The following RORA variants were observed in gnomAD, a reference collection of about 807,000 sequenced individuals.
RORA encodes the protein nuclear receptor ROR-alpha.
A neutral mutation model predicts 69.5 loss-of-function variants in RORA; 7 were observed. That is an observed-to-expected ratio of 0.10 (90% CI 0.06 to 0.19). The LOEUF (loss-of-function observed/expected upper bound fraction) is 0.19, where lower values mean the gene tolerates loss of function less well. RORA is among the 10% of genes least tolerant of loss of function. The pLI, the probability that RORA is intolerant of heterozygous loss-of-function variation, is 1.00. For synonymous variants in RORA, 261 were observed against 240.8 expected (o/e 1.08, Z -0.78); for missense variants, 457 against 663.0 (o/e 0.69, Z 3.41).
At chr15:60,811,963 G>A (rs2072750699) in intron 1 of RORA, among the ~76,000 whole-genome samples, 1 of 152,156 alleles carries the variant, frequency 6.6e-6, no homozygotes, top group Non-Finnish European at 1.5e-5. Context: ...AAATGGCAAA[G>A]TTTTCTAATT....
intron 1 of RORA, among the ~76,000 whole-genome samples, chr15:60,861,316 G>T (rs1032137224): frequency 1.3e-4 from 20 of 152,138 alleles, no homozygotes; most frequent in African/African-American, 4.8e-4. Context: ...TCCCACTAGA[G>T]GAATTGGGTA....
Position 61,128,838 on chromosome 15 carries a change from G to C in RORA, c.166+100215C>G, listed in dbSNP as rs913047400. Among the ~76,000 whole-genome samples, 1 of 152,156 alleles carries C rather than the reference G, an allele frequency of 6.6e-6. No homozygotes were observed. The highest frequency in any genetic ancestry group is 1.5e-5 in the Non-Finnish European group (1 of 68,032). ...TGCTAAGCAAAGTCAATCAGCACAC[G>C]ATGGCCCCAGGAATGAGAGCAACCA... is the stretch of plus-strand genomic sequence containing the variant. On this transcript the variant is annotated intron_variant, in intron 1 of 10. Coordinates refer to ENST00000335670, the MANE Select transcript of RORA (RefSeq NM_134261.3). The surrounding 1 kb of genome is among the most constrained non-coding windows in gnomAD (Gnocchi z 4.5).
At chr15:60,824,942 A>C (rs1362422705) in intron 1 of RORA, among the ~76,000 whole-genome samples, 2 of 152,222 alleles carry the variant, frequency 1.3e-5, no homozygotes, top group African/African-American at 4.8e-5. Flanking sequence ...TTCATAATGG[A>C]ATATAAAATA....
At chr15:60,996,075 T>TG (rs964974461) in intron 1 of RORA, among the ~76,000 whole-genome samples, 1 of 100,098 alleles carries the variant, frequency 1.0e-5, no homozygotes, top group African/African-American at 3.0e-5. Flanking sequence ...TTTTTTGTTT[T>TG]TTTTTTTTTT....
chr15:60,883,180 G>GAA (rs34446681), intron 1 of RORA, among the ~76,000 whole-genome samples: 38,297 of 111,806 alleles, frequency 0.34, 6,996 homozygotes, highest in Non-Finnish European at 0.39. Context: ...GAGAGAGAGA[G>GAA]AGAAAGAAAG....
intron 1 of RORA, among the ~76,000 whole-genome samples, chr15:61,178,802 A>G (rs1364156667): frequency 1.3e-5 from 2 of 152,214 alleles, no homozygotes; most frequent in African/African-American, 2.4e-5. Flanking sequence ...CTAGCAGGAG[A>G]CAACTGTTAA....
At chr15:60,625,259 C>G (rs1472716235) in intron 2 of RORA, among the ~76,000 whole-genome samples, 1 of 151,880 alleles carries the variant, frequency 6.6e-6, no homozygotes, top group Non-Finnish European at 1.5e-5. Context: ...TTTAGATTTA[C>G]CACAAAAACA....
chr15:60,879,133 T>C (rs1014513363), intron 1 of RORA, among the ~76,000 whole-genome samples: 5 of 152,206 alleles, frequency 3.3e-5, no homozygotes, highest in Non-Finnish European at 7.3e-5. Flanking sequence ...TTCCATGTGT[T>C]AGAAGCATAC....
At chr15:60,744,563 T>C (rs1056565636) in intron 1 of RORA, among the ~76,000 whole-genome samples, 3 of 152,192 alleles carry the variant, frequency 2.0e-5, no homozygotes, top group Admixed American at 1.3e-4. Context: ...CTGAGTTCAG[T>C]GTCCTCACCA....
intron 1 of RORA, among the ~76,000 whole-genome samples, chr15:60,888,066 C>T (rs2073771216): frequency 2.0e-5 from 3 of 152,242 alleles, no homozygotes; most frequent in Admixed American, 2.0e-4. Context: ...CATCCTTGCC[C>T]TGCTCCTCAA....
At chr15:61,120,871 C>G (rs28704972) in intron 1 of RORA, among the ~76,000 whole-genome samples, 80,761 of 150,720 alleles carry the variant, frequency 0.54, 22,406 homozygotes, top group East Asian at 0.71. Context: ...TTTTTGAGAT[C>G]GAGTCTCGCT....
At chr15:61,091,068 C>T (rs1395724108) in intron 1 of RORA, among the ~76,000 whole-genome samples, 1 of 152,156 alleles carries the variant, frequency 6.6e-6, no homozygotes, top group Non-Finnish European at 1.5e-5. Context: ...TTCTCTTCTG[C>T]TCATTAATGC....
chr15:60,638,182 C>T (rs1343391740), intron 2 of RORA, among the ~76,000 whole-genome samples: 2 of 151,994 alleles, frequency 1.3e-5, no homozygotes. Flanking sequence ...AGATATCAAC[C>T]CATCTATCTG....
chr15:60,894,286 T>C (rs1436917067), intron 1 of RORA, among the ~76,000 whole-genome samples: 1 of 152,204 alleles, frequency 6.6e-6, no homozygotes, highest in Non-Finnish European at 1.5e-5. Context: ...TCAAGAATAA[T>C]TTAAAATGCA....
chr15:60,753,839 C>G (rs770908194), intron 1 of RORA, among the ~76,000 whole-genome samples: 43 of 152,336 alleles, frequency 2.8e-4, no homozygotes, highest in African/African-American at 9.9e-4. Context: ...CCAGTGATTA[C>G]AGCACTTGAT....
chr15:61,112,753 A>T (rs928353965), intron 1 of RORA, among the ~76,000 whole-genome samples: 5 of 152,182 alleles, frequency 3.3e-5, no homozygotes, highest in African/African-American at 2.4e-5. Context: ...TCGTTCCCAG[A>T]CAGACGAAGG....
intron 1 of RORA, among the ~76,000 whole-genome samples, chr15:61,174,068 C>T (rs2079607628): frequency 6.6e-6 from 1 of 152,218 alleles, no homozygotes; most frequent in Non-Finnish European, 1.5e-5. Context: ...AACATGGTAA[C>T]TCTGACCTCC....
chr15:61,086,378 T>G (rs1269065777), intron 1 of RORA, among the ~76,000 whole-genome samples: 1 of 152,232 alleles, frequency 6.6e-6, no homozygotes, highest in Non-Finnish European at 1.5e-5. Flanking sequence ...ATTATTTAAC[T>G]GCGATAGTTT....
intron 2 of RORA, among the ~76,000 whole-genome samples, chr15:60,614,552 G>T (rs149997981): frequency 4.2e-4 from 64 of 152,240 alleles, no homozygotes; most frequent in African/African-American, 1.4e-3. Context: ...AGCATTCAAG[G>T]GTTTGGAATG....
Sources: gnomAD v4.1 joint callset for allele counts (sites outside exome capture counted in the v4.1 genomes callset) on GRCh38, gnomAD v4.1.1 for gene constraint, Gnocchi (gnomAD v3.1) non-coding constraint, MANE v1.5 for transcripts, NCBI Gene and HGNC (gene_info 2026-07-23, HGNC 2026-07-21) for gene names.